IL5RA: variants seen among roughly 807,000 people sequenced by gnomAD.
The protein encoded by IL5RA is interleukin-5 receptor subunit alpha.
A neutral mutation model predicts 50.0 loss-of-function variants in IL5RA; 49 were observed. The ratio of observed to expected loss-of-function variants is 0.98; its 90% CI spans 0.78 to 1.24. IL5RA has a LOEUF of 1.24. Ranked by LOEUF, IL5RA falls within the 50% of genes most tolerant of loss-of-function variation. IL5RA has a pLI of 0.00. For missense variants in IL5RA, 600 were observed against 500.4 expected (o/e 1.20, Z -1.90); for synonymous variants, 202 against 174.0 (o/e 1.16, Z -1.26).
rs1430800343 is a variant in IL5RA at position 3,069,652 on chromosome 3, C to G, written c.*573G>C. The G allele has an allele frequency of 6.6e-6, 1 of 152,076 alleles. No homozygotes were observed. Among genetic ancestry groups the G allele is most frequent in the African/African-American group, 2.4e-5 (1 of 41,352 alleles). The allele number at this position is 152,076 out of a possible 1,614,324, so 9.4% of individuals were successfully genotyped here. A position where few individuals can be genotyped will look rare whatever the true frequency, so the allele number is the denominator to read the frequency against. ...AATTTCTCTCTCTCTCTCTCTCTCT[C>G]TCTCTCTCATACACACACATACACA... On this transcript the variant is annotated 3_prime_UTR_variant, in exon 12 of 12. Coordinates refer to ENST00000446632, the MANE Select transcript of IL5RA (RefSeq NM_175726.4).
intron 9 of IL5RA, among the ~76,000 whole-genome samples, chr3:3,082,190 A>G (rs1169691232): frequency 1.3e-5 from 2 of 152,360 alleles, no homozygotes; most frequent in East Asian, 3.9e-4. Flanking sequence ...CAAAATGATT[A>G]AGAATTTCAA....
At chr3:3,101,880 A>C in intron 4 of IL5RA, 50 bp from the exon 5 acceptor site, 1 of 1,514,892 alleles carries the variant, frequency 6.6e-7, no homozygotes. Flanking sequence ...ACTAGACTTA[A>C]GAGAGCTATT....
rs1422560289 is a variant in IL5RA at position 3,092,779 on chromosome 3, A to G, written c.856-417T>C. 6.6e-6 allele frequency among the ~76,000 whole-genome samples: 1 copy of G among 152,106 alleles called. No homozygotes were observed. Among genetic ancestry groups the G allele is most frequent in the African/African-American group, 2.4e-5 (1 of 41,408 alleles). ...AAATGAAGCTATTTTCTCATGAATG[A>G]GCCCTTCTTCTTTTTCCTTCTACTG... On this transcript the variant is annotated intron_variant, in intron 8 of 11. Coordinates refer to ENST00000446632, the MANE Select transcript of IL5RA (RefSeq NM_175726.4). The surrounding 1 kb of genome is among the most constrained non-coding windows in gnomAD (Gnocchi z 4.2).
chr3:3,074,823 T>G lies in IL5RA; in HGVS notation c.1135A>C (p.Lys379Gln), dbSNP rs777248198. The G allele has an allele frequency of 5.0e-6, 8 of 1,611,606 alleles. No homozygotes were observed. The highest frequency in any genetic ancestry group is 5.9e-6 in the Non-Finnish European group (7 of 1,177,672). The change falls in exon 11 of 12, where the codon AAA becomes CAA. Residue 379 changes from lysine (K) to glutamine (Q), a missense_variant. Physicochemically the swap from Lys to Gln is moderately conservative, Grantham distance 53. Coordinates refer to ENST00000446632, the MANE Select transcript of IL5RA (RefSeq NM_175726.4). ...IKLFPPIPAPKSNIKDLFVTT... is the reference protein window; with the variant it reads ...IKLFPPIPAPQSNIKDLFVTT... ...ACAAAGAGATCTTTGATATTACTTTTTGGTGCTGGAATTGGTGGAAACAAC... is the reference window on the plus strand; with the variant it reads ...ACAAAGAGATCTTTGATATTACTTTGTGGTGCTGGAATTGGTGGAAACAAC...
At chr3:3,091,500 G>A (rs1400433227) in intron 9 of IL5RA, among the ~76,000 whole-genome samples, 4 of 152,206 alleles carry the variant, frequency 2.6e-5, no homozygotes, top group African/African-American at 2.4e-5. Context: ...GGGAGGCTGA[G>A]GCCGGTGGAT....
chr3:3,090,983 G>A (rs1703073540), intron 9 of IL5RA, among the ~76,000 whole-genome samples: 1 of 152,170 alleles, frequency 6.6e-6, no homozygotes, highest in Non-Finnish European at 1.5e-5. Context: ...ATCCATAGCT[G>A]CCATTGGGTA....
At chr3:3,076,252 A>G (rs1702479057) in intron 10 of IL5RA, among the ~76,000 whole-genome samples, 2 of 152,354 alleles carry the variant, frequency 1.3e-5, no homozygotes, top group Admixed American at 1.3e-4. Flanking sequence ...ACCCGCAAGT[A>G]GAAACCTTCA....
intron 9 of IL5RA, among the ~76,000 whole-genome samples, chr3:3,091,000 T>C (rs1439390595): frequency 6.6e-6 from 1 of 152,190 alleles, no homozygotes; most frequent in Non-Finnish European, 1.5e-5. Context: ...GGTATATTAT[T>C]ATCCTTCATG....
At chr3:3,097,795 A>G (rs542810648) in intron 7 of IL5RA, 75 bp downstream of exon 7, 2 of 1,470,248 alleles carry the variant, frequency 1.4e-6, no homozygotes, top group Admixed American at 4.3e-5. Context: ...AAACTAGGTG[A>G]TCTTTATAAC....
At position 3,098,934 on chromosome 3, in the gene IL5RA, G is replaced by A. The variant is rs17884847; in HGVS notation, c.368-644C>T. Among the ~76,000 whole-genome samples the A allele has an allele frequency of 3.2e-3, 488 of 152,284 alleles. 1 individual carries two copies. Among genetic ancestry groups the A allele is most frequent in the African/African-American group, 0.011 (460 of 41,550 alleles). On this transcript the variant is annotated intron_variant, in intron 5 of 11. Transcript: ENST00000446632. ...ACTTTGGTGCTCTAATGCCACATTTGTTAATAACTAGCTGTGAGACATTGA... is the reference window on the plus strand; with the variant it reads ...ACTTTGGTGCTCTAATGCCACATTTATTAATAACTAGCTGTGAGACATTGA...
In IL5RA at chr3:3,092,893, CT is replaced by C. The variant is rs1448504087; in HGVS notation, c.856-532del. 6.6e-6 allele frequency among the ~76,000 whole-genome samples: 1 copy of C among 152,094 alleles called. No homozygotes were observed. Among genetic ancestry groups the C allele is most frequent in the Non-Finnish European group, 1.5e-5 (1 of 68,028 alleles). Reference sequence around the variant, plus strand: ...TGAATACCCCCGGAGGTGTTTCTCCCTTTTTTACTCCAGCCCTGTGACCATT... The same window carrying C: ...TGAATACCCCCGGAGGTGTTTCTCCCTTTTTACTCCAGCCCTGTGACCATT... On this transcript the variant is annotated intron_variant, in intron 8 of 11. Coordinates refer to ENST00000446632, the MANE Select transcript of IL5RA (RefSeq NM_175726.4). This position sits in a 1 kb window ranked among gnomAD's most constrained non-coding sequence, Gnocchi z 4.2.
intron 4 of IL5RA, among the ~76,000 whole-genome samples, chr3:3,102,066 G>A (rs1171518300): frequency 6.6e-6 from 1 of 152,176 alleles, no homozygotes; most frequent in Non-Finnish European, 1.5e-5. Flanking sequence ...TTAAACTCAA[G>A]TTCCCTTTGA....
chr3:3,095,122 G>A (rs1359390401), intron 8 of IL5RA, among the ~76,000 whole-genome samples, 177 bp downstream of exon 8: 2 of 152,150 alleles, frequency 1.3e-5, no homozygotes, highest in African/African-American at 4.8e-5. Flanking sequence ...AAAACAAAAG[G>A]CCAGTAAGAT....
At chr3:3,109,075 C>G (rs1185963170) in intron 1 of IL5RA, among the ~76,000 whole-genome samples, 1 of 152,166 alleles carries the variant, frequency 6.6e-6, no homozygotes, top group Non-Finnish European at 1.5e-5. Flanking sequence ...AGCACCATCA[C>G]TTTTCATGTG....
intron 10 of IL5RA, 21 bp from the exon 11 acceptor site, chr3:3,074,887 G>C (rs754374066): frequency 6.9e-7 from 1 of 1,456,036 alleles, no homozygotes; most frequent in Non-Finnish European, 9.6e-7. Context: ...AGTAAAGAAG[G>C]AATTAGGTGA....
At chr3:3,101,193 AAAG>A (rs1163007108) in intron 5 of IL5RA, among the ~76,000 whole-genome samples, 161 of 127,598 alleles carry the variant, frequency 1.3e-3, no homozygotes, top group African/African-American at 4.7e-3. Context: ...AAAAAAAAAA[AAAG>A]TAAATGAGAA....
intron 9 of IL5RA, among the ~76,000 whole-genome samples, chr3:3,078,396 C>G (rs994669848): frequency 6.6e-6 from 1 of 152,170 alleles, no homozygotes; most frequent in Admixed American, 6.5e-5. Flanking sequence ...TTCTACCTCC[C>G]GAAAGTTTTA....
At chr3:3,077,668 C>T (rs1364582161) in intron 9 of IL5RA, among the ~76,000 whole-genome samples, 2 of 152,234 alleles carry the variant, frequency 1.3e-5, no homozygotes, top group African/African-American at 2.4e-5. Flanking sequence ...ACTTGGGAGG[C>T]CGAGGCACAA....
chr3:3,088,200 G>A (rs151028058), intron 9 of IL5RA, among the ~76,000 whole-genome samples: 28 of 152,298 alleles, frequency 1.8e-4, no homozygotes, highest in African/African-American at 6.3e-4. Flanking sequence ...TAAAATAAGC[G>A]CTCGTTATGG....
Sources: allele counts gnomAD v4.1 joint callset (sites outside exome capture counted in the v4.1 genomes callset), GRCh38; gene constraint gnomAD v4.1.1; non-coding constraint Gnocchi (gnomAD v3.1); transcripts MANE v1.5; gene names NCBI Gene and HGNC (gene_info 2026-07-23, HGNC 2026-07-21).